Variants in MEGF8 observed in about 807,000 individuals in gnomAD.
The protein encoded by MEGF8 is multiple EGF like domains 8.
Under a neutral mutation model 302.9 loss-of-function variants are expected in MEGF8, and 156 were observed. That is an observed-to-expected ratio of 0.52 (90% confidence interval 0.45 to 0.59). MEGF8 has a LOEUF of 0.59. MEGF8 is among the 20% of genes least tolerant of loss of function. The pLI is 0.00. For synonymous variants in MEGF8, 1,621 were observed against 1,660.5 expected (o/e 0.98, Z 0.58); for missense variants, 3,345 against 3,964.5 (o/e 0.84, Z 4.20).
At chr19:42,374,662 G>A (rs185090065) in intron 41 of MEGF8, among the ~76,000 whole-genome samples, 5 of 152,264 alleles carry the variant, frequency 3.3e-5, no homozygotes, top group Middle Eastern at 3.4e-3. Context: ...GGCAAGCACC[G>A]TGCAGGTTGC....
intron 31 of MEGF8, among the ~76,000 whole-genome samples, chr19:42,360,317 C>G (rs907411180): frequency 6.6e-6 from 1 of 150,658 alleles, no homozygotes; most frequent in Non-Finnish European, 1.5e-5. Flanking sequence ...TGCTGTCTAT[C>G]CTCATGTGTT....
At position 42,362,427 on chromosome 19, in the gene MEGF8, G is replaced by T; in HGVS notation, c.5888G>T (p.Gly1963Val). 6.2e-7 allele frequency: 1 copy of T among 1,614,012 alleles called. No individual in the cohort carries two copies. Among genetic ancestry groups the T allele is most frequent in the Non-Finnish European group, 8.5e-7 (1 of 1,179,890 alleles). ...RCKWCTNCPEGACIGRNGSCT... is the reference protein window; with the variant it reads ...RCKWCTNCPEVACIGRNGSCT... ...AAGTGGTGTACCAACTGCCCCGAAG[G>T]TGCTTGCATTGGACGCAATGGGTCC... is the stretch of plus-strand genomic sequence containing the variant. The change falls in exon 34 of 42, where the codon GGT becomes GTT. Residue 1963 changes from glycine (G) to valine (V), a missense_variant. By Grantham distance (109) the Gly-to-Val change is moderately radical (BLOSUM62 -3). Transcript: ENST00000251268.
In MEGF8 at chr19:42,356,524, CAGA is replaced by C; in HGVS notation, c.4622+72_4622+74del. The C allele has an allele frequency of 8.2e-7, 1 of 1,226,158 alleles. No individual in the cohort carries two copies. The highest frequency in any genetic ancestry group is 1.1e-6 in the Non-Finnish European group (1 of 894,534). 76.0% of individuals were successfully genotyped at this position (1,226,158 alleles called of 1,614,324 possible). ...CACCTCGGGATGCTAAGAGTCACCT[CAGA>C]GGAGTGCAGAAAAGCCTCTAAGGTA... On this transcript the variant is annotated intron_variant, in intron 26 of 41. Coordinates refer to ENST00000251268, the MANE Select transcript of MEGF8 (RefSeq NM_001271938.2). This position sits in a 1 kb window ranked among gnomAD's most constrained non-coding sequence, Gnocchi z 5.2.
rs369994002 is a variant in MEGF8 at position 42,353,586 on chromosome 19, C to T, written c.3672C>T (p.Cys1224=). 6.9e-6 allele frequency: 11 copies of T among 1,596,464 alleles called. No homozygotes were observed. The highest frequency in any genetic ancestry group is 2.3e-5 in the East Asian group (1 of 44,034). ...NGHGDPRRGH[C]DNLSGLCFCQ... ...ACGGGGACCCACGCCGTGGCCACTG[C>T]GACAACCTCAGTGGGCTCTGCTTCT... is the stretch of plus-strand genomic sequence containing the variant. Residue 1224 remains cysteine, a synonymous_variant, in exon 21 of 42, where the codon TGC becomes TGT. Coordinates refer to ENST00000251268, the MANE Select transcript of MEGF8 (RefSeq NM_001271938.2). The surrounding 1 kb of genome is among the most constrained non-coding windows in gnomAD (Gnocchi z 6.1).
chr19:42,336,149 G>A lies in MEGF8; in HGVS notation c.1047G>A (p.Val349=). 2 of 1,610,612 alleles carry A rather than the reference G, an allele frequency of 1.2e-6. No individual in the cohort carries two copies. Among genetic ancestry groups the A allele is most frequent in the Non-Finnish European group, 1.7e-6 (2 of 1,179,780 alleles). ...AALVDDVWLY[V]SGGRTPHDLF... ...TGGTGGATGATGTCTGGCTATATGT[G>A]TCTGGAGGCCGCACCCCGCACGACC... Residue 349 remains valine (V), a synonymous_variant, in exon 6 of 42, where the codon GTG becomes GTA. Coordinates refer to ENST00000251268, the MANE Select transcript of MEGF8 (RefSeq NM_001271938.2). The surrounding 1 kb of genome is among the most constrained non-coding windows in gnomAD (Gnocchi z 4.8).
At position 42,370,787 on chromosome 19, in the gene MEGF8, G is replaced by A; in HGVS notation, c.7092G>A (p.Glu2364=). The A allele has an allele frequency of 6.6e-7, 1 of 1,513,844 alleles. No homozygotes were observed. The allele number at this position is 1,513,844 out of a possible 1,614,324, so 93.8% of individuals were successfully genotyped here. The change falls in exon 40 of 42, where the codon GAG becomes GAA. Residue 2364 remains glutamate, a synonymous_variant. Coordinates refer to ENST00000251268, the MANE Select transcript of MEGF8 (RefSeq NM_001271938.2). ...CQNNSYGEKC[E]SCLQGYFLLD... is the part of the protein sequence containing the mutation. ...ATAACAGCTATGGGGAGAAATGCGA[G>A]AGCTGCCTGCAGGGCTACTTCCTCC...
Position 42,335,443 on chromosome 19 carries a change from G to C in MEGF8, c.828+58G>C. On this transcript the variant is annotated intron_variant, in intron 5 of 41. Coordinates refer to ENST00000251268, the MANE Select transcript of MEGF8 (RefSeq NM_001271938.2). ...TTCCACTCAATCAGACCCAGCCGGG[G>C]ACCCCCGGAATGATCCCCTATCACC... 4 of 1,544,542 alleles carry C rather than the reference G, an allele frequency of 2.6e-6. No individual in the cohort carries two copies. In the South Asian group the frequency reaches 4.5e-5, roughly 17 times the overall value.
rs1248294920 is a variant in MEGF8 at position 42,368,957 on chromosome 19, C to G, written c.6596C>G (p.Pro2199Arg). The G allele has an allele frequency of 6.2e-7, 1 of 1,613,910 alleles. No individual in the cohort carries two copies. The highest frequency in any genetic ancestry group is 8.5e-7 in the Non-Finnish European group (1 of 1,179,894). ...GAGACGCAGAATTGCCACGACCAGC[C>G]CCACGGCTATGAGTGCAGCTGCAAG... is the stretch of plus-strand genomic sequence containing the variant. ...CNETQNCHDQ[P>R]HGYECSCKTG... Residue 2199 changes from proline to arginine, a missense_variant, in exon 37 of 42, where the codon CCC (proline) becomes CGC (arginine). Pro to Arg is a moderately radical substitution (Grantham distance 103). Transcript: ENST00000251268. The surrounding 1 kb of genome is among the most constrained non-coding windows in gnomAD (Gnocchi z 4.9).
At chr19:42,335,470 A>G (rs1275434527) in intron 5 of MEGF8, 85 bp downstream of exon 5, 1 of 1,231,990 alleles carries the variant, frequency 8.1e-7, no homozygotes, top group African/African-American at 1.5e-5. Flanking sequence ...CCTATCACCT[A>G]GTGCTCCCAC....
At chr19:42,371,521 C>A in intron 41 of MEGF8, 39 bp downstream of exon 41, 1 of 1,612,424 alleles carries the variant, frequency 6.2e-7, no homozygotes, top group Non-Finnish European at 8.5e-7. Flanking sequence ...GAGGGCCCTA[C>A]ACCTTGTGGA....
Position 42,344,323 on chromosome 19 carries a change from T to C in MEGF8, c.1789-118T>C. The C allele has an allele frequency of 4.3e-6, 5 of 1,160,564 alleles. No individual in the cohort carries two copies. The highest frequency in any genetic ancestry group is 5.6e-6 in the Non-Finnish European group (5 of 898,604). 71.9% of individuals were successfully genotyped at this position (1,160,564 alleles called of 1,614,324 possible). ...TGGATCTCCCACATTCCAAGTCAAC[T>C]CCCCGTTCTTCAGTTTTTTCGCCCT... On this transcript the variant is annotated intron_variant, in intron 10 of 41. Coordinates refer to ENST00000251268, the MANE Select transcript of MEGF8 (RefSeq NM_001271938.2). The surrounding 1 kb of genome is among the most constrained non-coding windows in gnomAD (Gnocchi z 4.5).
In MEGF8 at chr19:42,336,841, C is replaced by T; in HGVS notation, c.1279C>T (p.His427Tyr). The change falls in exon 7 of 42, where the codon CAC (histidine) becomes TAC (tyrosine). Residue 427 changes from histidine to tyrosine, a missense_variant. His to Tyr is a moderately conservative substitution (Grantham distance 83, BLOSUM62 2). Coordinates refer to ENST00000251268, the MANE Select transcript of MEGF8 (RefSeq NM_001271938.2). The surrounding 1 kb of genome is among the most constrained non-coding windows in gnomAD (Gnocchi z 4.8). ...GCGAGTGAACTCCACTGAGCTTTTC[C>T]ACGTGGATCGGCATGTGTGGACGAC... ...SVRVNSTELF[H>Y]VDRHVWTTLK... The T allele has an allele frequency of 6.2e-7, 1 of 1,608,326 alleles. No individual in the cohort carries two copies. Among genetic ancestry groups the T allele is most frequent in the Non-Finnish European group, 8.5e-7 (1 of 1,177,006 alleles).
Position 42,351,883 on chromosome 19 carries a change from C to A in MEGF8, c.3101+122C>A. 1.2e-6 allele frequency: 1 copy of A among 833,222 alleles called. No homozygotes were observed. Among genetic ancestry groups the A allele is most frequent in the Non-Finnish European group, 1.9e-6 (1 of 524,728 alleles). The allele number at this position is 833,222 out of a possible 1,614,324, so 51.6% of individuals were successfully genotyped here. A position where few individuals can be genotyped will look rare whatever the true frequency, so the allele number is the denominator to read the frequency against. ...CATCCCATGGCCACCTTCCCTTTTC[C>A]GTACTGTTTTTCTGTTGTTTATTTT... On this transcript the variant is annotated intron_variant, in intron 18 of 41. Transcript: ENST00000251268. This position sits in a 1 kb window ranked among gnomAD's most constrained non-coding sequence, Gnocchi z 5.6.
intron 1 of MEGF8, among the ~76,000 whole-genome samples, chr19:42,328,298 C>T (rs571158065): frequency 9.2e-5 from 14 of 152,276 alleles, no homozygotes; most frequent in African/African-American, 3.4e-4. Context: ...CAGGGGAGGT[C>T]CTGGGCAAAG....
chr19:42,362,286 A>C (rs1022603558), intron 33 of MEGF8, 73 bp downstream of exon 33: 8 of 1,609,688 alleles, frequency 5.0e-6, no homozygotes, highest in Non-Finnish European at 6.8e-6. Flanking sequence ...CACTCTGGTC[A>C]GCTGTCCCAC....
At position 42,378,393 on chromosome 19, in the gene MEGF8, A is replaced by C. The variant is rs540736478; in HGVS notation, c.*1618A>C. 1 of 153,904 alleles carries C rather than the reference A, an allele frequency of 6.5e-6. No homozygotes were observed. Among genetic ancestry groups the C allele is most frequent in the South Asian group, 2.1e-4 (1 of 4,816 alleles). 9.5% of individuals were successfully genotyped at this position (153,904 alleles called of 1,614,324 possible). On this transcript the variant is annotated 3_prime_UTR_variant, in exon 42 of 42. Coordinates refer to ENST00000251268, the MANE Select transcript of MEGF8 (RefSeq NM_001271938.2). ...GCCTGAGATCCCACCCCAGGTGGGC[A>C]TGGGGGCCACTGAGGTTGGGGATGA...
At chr19:42,337,847 G>A (rs1568558318) in intron 8 of MEGF8, among the ~76,000 whole-genome samples, 4 of 148,900 alleles carry the variant, frequency 2.7e-5, no homozygotes, top group South Asian at 4.3e-4. Context: ...TCCGTCGCCC[G>A]GGCTAGAGTG....
rs555193419 is a variant in MEGF8, at chr19:42,376,115, C to T, written c.7878C>T (p.Gly2626=). The T allele has an allele frequency of 3.7e-5, 59 of 1,607,138 alleles. No homozygotes were observed. Among genetic ancestry groups the T allele is most frequent in the Admixed American group, 1.0e-4 (6 of 59,998 alleles). Residue 2626 remains glycine (G), a synonymous_variant, in exon 42 of 42, where the codon GGC becomes GGT. Coordinates refer to ENST00000251268, the MANE Select transcript of MEGF8 (RefSeq NM_001271938.2). The surrounding 1 kb of genome is among the most constrained non-coding windows in gnomAD (Gnocchi z 8.2). The part of the protein sequence containing the change: ...LLGVGDPSGP[G]ANGSADSQGL... ...GCGTGGGAGACCCAAGTGGGCCCGGCGCCAACGGCTCAGCCGACTCGCAGG... is the reference window on the plus strand; with the variant it reads ...GCGTGGGAGACCCAAGTGGGCCCGGTGCCAACGGCTCAGCCGACTCGCAGG...
intron 1 of MEGF8, 141 bp downstream of exon 1, chr19:42,326,571 A>G (rs1374828067): frequency 7.5e-7 from 1 of 1,341,722 alleles, no homozygotes; most frequent in Non-Finnish European, 9.7e-7. Context: ...GTTGCAGCCA[A>G]CCTGGGCCCT....
Sources: allele counts gnomAD v4.1 joint callset (sites outside exome capture counted in the v4.1 genomes callset), GRCh38; gene constraint gnomAD v4.1.1; non-coding constraint Gnocchi (gnomAD v3.1); transcripts MANE v1.5; gene names NCBI Gene and HGNC (gene_info 2026-07-23, HGNC 2026-07-21).